Variants in IGLL5 observed in about 807,000 individuals in gnomAD.
The protein encoded by IGLL5 is immunoglobulin lambda like polypeptide 5.
A neutral mutation model predicts 20.9 loss-of-function variants in IGLL5; 30 were observed. The ratio of observed to expected loss-of-function variants is 1.44; its 90% CI spans 1.07 to 1.95. The LOEUF (loss-of-function observed/expected upper bound fraction) is 1.95. Among genes scored for constraint, IGLL5 ranks in the 30% most tolerant of loss-of-function variants. The pLI is 0.00. For missense variants in IGLL5, 475 were observed against 270.7 expected (o/e 1.75, Z -5.30); for synonymous variants, 203 against 117.3 (o/e 1.73, Z -4.72).
Position 22,889,593 on chromosome 22 carries a change from T to G in IGLL5, c.206+1334T>G. On this transcript the variant is annotated intron_variant, in intron 1 of 2. Coordinates refer to ENST00000526893, the MANE Select transcript of IGLL5 (RefSeq NM_001178126.2). ...AACACAATTGTATTTGGGGGACTGT[T>G]GTTGTTTTTGTTTTGAAACAGTCTT... is the stretch of plus-strand genomic sequence containing the variant. Among the ~76,000 whole-genome samples, 3 of 151,224 alleles carry G rather than the reference T, an allele frequency of 2.0e-5. 1 individual carries two copies. Among genetic ancestry groups the G allele is most frequent in the East Asian group, 4.1e-4 (2 of 4,920 alleles).
intron 2 of IGLL5, 66 bp from the exon 3 acceptor site, chr22:22,895,309 G>C (rs2066739154): frequency 6.9e-7 from 1 of 1,453,084 alleles, no homozygotes; most frequent in Admixed American, 1.8e-5. Context: ...TTTAGACAGA[G>C]AGAGGGGCTC....
rs141768336 is a variant in IGLL5, at chr22:22,892,310, G to T, written c.207-1390G>T. Among the ~76,000 whole-genome samples the T allele has an allele frequency of 2.4e-4, 37 of 151,312 alleles. 1 individual carries two copies. The highest frequency in any genetic ancestry group is 5.2e-4 in the Non-Finnish European group (35 of 67,872). On this transcript the variant is annotated intron_variant, in intron 1 of 2. Coordinates refer to ENST00000526893, the MANE Select transcript of IGLL5 (RefSeq NM_001178126.2). Reference sequence around the variant, plus strand: ...ACAAATGTATTAAATACAAGCTGCTGCTAAGATGAAAGTTGCTGGCCCCAT... The same window carrying T: ...ACAAATGTATTAAATACAAGCTGCTTCTAAGATGAAAGTTGCTGGCCCCAT...
intron 1 of IGLL5, among the ~76,000 whole-genome samples, chr22:22,888,857 G>C (rs2067656914): frequency 2.6e-5 from 4 of 151,338 alleles, no homozygotes; most frequent in Admixed American, 2.0e-4. Context: ...GAGCAATAAA[G>C]GGAGAGGGGA....
In IGLL5 at chr22:22,888,067, C is replaced by G. The variant is rs770923784; in HGVS notation, c.14C>G (p.Thr5Arg). The change falls in exon 1 of 3, where the codon ACA (threonine) becomes AGA (arginine). Residue 5 changes from threonine to arginine, a missense_variant. Transcript: ENST00000526893. MRPK[T>R]GQVGCETPEE... ...ACCTGAAGGCCAATGAGACCCAAGACAGGCCAAGTGGGTTGTGAGACCCCT... is the reference window on the plus strand; with the variant it reads ...ACCTGAAGGCCAATGAGACCCAAGAGAGGCCAAGTGGGTTGTGAGACCCCT... 6.4e-5 allele frequency: 99 copies of G among 1,549,132 alleles called. No homozygotes were observed. Among genetic ancestry groups the G allele is most frequent in the Non-Finnish European group, 8.5e-5 (97 of 1,146,520 alleles).
intron 1 of IGLL5, among the ~76,000 whole-genome samples, chr22:22,889,277 T>A (rs557784234): frequency 6.6e-6 from 1 of 150,678 alleles, no homozygotes; most frequent in Admixed American, 6.7e-5. Context: ...TCCTATGAAA[T>A]GGGAGCATGA....
At chr22:22,894,057 T>A (rs2067974505) in intron 2 of IGLL5, among the ~76,000 whole-genome samples, 1 of 151,278 alleles carries the variant, frequency 6.6e-6, no homozygotes, top group Admixed American at 6.6e-5. Context: ...TTGGGCAGGG[T>A]CAGGGCTCCT....
chr22:22,895,989 C>G lies in IGLL5; in HGVS notation c.*295C>G. ...CATCTCCCCAGAGGGTCCTTCCTCT[C>G]CCAGTCACCCCTTCTCCAACTCTCC... On this transcript the variant is annotated 3_prime_UTR_variant, in exon 3 of 3. Transcript: ENST00000526893. 1.8e-6 allele frequency: 1 copy of G among 547,786 alleles called. No homozygotes were observed. The highest frequency in any genetic ancestry group is 3.3e-6 in the Non-Finnish European group (1 of 306,284). The allele number at this position is 547,786 out of a possible 1,614,324, so 33.9% of individuals were successfully genotyped here. A position where few individuals can be genotyped will look rare whatever the true frequency, so the allele number is the denominator to read the frequency against.
chr22:22,888,740 A>G lies in IGLL5; in HGVS notation c.206+481A>G, dbSNP rs192879700. ...TCTCCCCCAAGGCTGTCTGTTCACCAACTTGCACATAAATGCTTACTGGGG... is the reference window on the plus strand; with the variant it reads ...TCTCCCCCAAGGCTGTCTGTTCACCGACTTGCACATAAATGCTTACTGGGG... On this transcript the variant is annotated intron_variant, in intron 1 of 2. Transcript: ENST00000526893. 5.9e-3 allele frequency among the ~76,000 whole-genome samples: 900 copies of G among 151,342 alleles called. 28 individuals are homozygous for G. The South Asian group carries it at 0.077, about 13-fold the overall frequency.
At chr22:22,888,289 G>T (rs2145977141) in intron 1 of IGLL5, 30 bp downstream of exon 1, 1 of 1,541,380 alleles carries the variant, frequency 6.5e-7, no homozygotes, top group East Asian at 2.5e-5. Flanking sequence ...AGGGGATGTG[G>T]GGGTCCTGCA....
At chr22:22,893,852 A>AGTCTCTTCTGC in intron 2 of IGLL5, 34 bp downstream of exon 2, 1 of 1,382,376 alleles carries the variant, frequency 7.2e-7, no homozygotes, top group South Asian at 1.2e-5. Context: ...AGCCTGTCTC[A>AGTCTCTTCTGC]CCCTCTGCTG....
At position 22,895,978 on chromosome 22, in the gene IGLL5, G is replaced by A; in HGVS notation, c.*284G>A. ...CCTCCCTGAGTCATCTCCCCAGAGG[G>A]TCCTTCCTCTCCCAGTCACCCCTTC... On this transcript the variant is annotated 3_prime_UTR_variant, in exon 3 of 3. Coordinates refer to ENST00000526893, the MANE Select transcript of IGLL5 (RefSeq NM_001178126.2). The A allele has an allele frequency of 1.8e-6, 1 of 561,296 alleles. No individual in the cohort carries two copies. 34.8% of individuals were successfully genotyped at this position (561,296 alleles called of 1,614,324 possible).
chr22:22,894,562 C>A (rs1601627275), intron 2 of IGLL5, among the ~76,000 whole-genome samples: 1 of 151,520 alleles, frequency 6.6e-6, no homozygotes, highest in East Asian at 2.0e-4. Flanking sequence ...CGGCCTCCTG[C>A]CTTCCTCAAA....
chr22:22,894,650 T>G (rs186223965), intron 2 of IGLL5, among the ~76,000 whole-genome samples: 1 of 148,550 alleles, frequency 6.7e-6, no homozygotes, highest in East Asian at 2.2e-4. Flanking sequence ...CAGGTGAAGT[T>G]TGGGGTCATC....
rs2066759212 is a variant in IGLL5, at chr22:22,896,011, C to G, written c.*317C>G. ...TCTCCCAGTCACCCCTTCTCCAACT[C>G]TCCACTGTACCCCTGAGCTACCAGT... On this transcript the variant is annotated 3_prime_UTR_variant, in exon 3 of 3. Coordinates refer to ENST00000526893, the MANE Select transcript of IGLL5 (RefSeq NM_001178126.2). 1 of 521,806 alleles carries G rather than the reference C, an allele frequency of 1.9e-6. No individual in the cohort carries two copies. The highest frequency in any genetic ancestry group is 3.4e-6 in the Non-Finnish European group (1 of 289,860). 32.3% of individuals were successfully genotyped at this position (521,806 alleles called of 1,614,324 possible).
At chr22:22,889,606 T>G (rs183566307) in intron 1 of IGLL5, among the ~76,000 whole-genome samples, 2 of 151,338 alleles carry the variant, frequency 1.3e-5, no homozygotes, top group African/African-American at 4.8e-5. Context: ...TGTTTTTGTT[T>G]TGAAACAGTC....
rs529746845 is a variant in IGLL5, at chr22:22,888,061, C to G, written c.8C>G (p.Pro3Arg). Residue 3 changes from proline (P) to arginine (R), a missense_variant, in exon 1 of 3, where the codon CCC (proline) becomes CGC (arginine). By Grantham distance (103) the Pro-to-Arg change is moderately radical. Coordinates refer to ENST00000526893, the MANE Select transcript of IGLL5 (RefSeq NM_001178126.2). Reference protein sequence around the residue: MRPKTGQVGCETP... With the variant: MRRKTGQVGCETP... ...CCCTGAACCTGAAGGCCAATGAGACCCAAGACAGGCCAAGTGGGTTGTGAG... is the reference window on the plus strand; with the variant it reads ...CCCTGAACCTGAAGGCCAATGAGACGCAAGACAGGCCAAGTGGGTTGTGAG... 7 of 1,549,148 alleles carry G rather than the reference C, an allele frequency of 4.5e-6. 1 individual carries two copies. The highest frequency in any genetic ancestry group is 2.7e-5 in the African/African-American group (2 of 72,904).
intron 1 of IGLL5, among the ~76,000 whole-genome samples, chr22:22,888,607 A>T (rs752934628): frequency 6.6e-6 from 1 of 151,286 alleles, no homozygotes; most frequent in African/African-American, 2.4e-5. Flanking sequence ...CACTGTCCCC[A>T]CAGGGTGCCC....
At chr22:22,888,463 T>C (rs2067601188) in intron 1 of IGLL5, among the ~76,000 whole-genome samples, 9 of 151,388 alleles carry the variant, frequency 5.9e-5, no homozygotes, top group Middle Eastern at 3.7e-3. Context: ...ATTACGATAT[T>C]ATTTTTCTTG....
chr22:22,893,844 CCTGTCT>C, intron 2 of IGLL5, 26 bp downstream of exon 2: 1 of 1,408,888 alleles, frequency 7.1e-7, no homozygotes, highest in Non-Finnish European at 1.0e-6. Flanking sequence ...CCTTTCCCAG[CCTGTCT>C]CACCCTCTGC....
Sources: allele counts gnomAD v4.1 joint callset (sites outside exome capture counted in the v4.1 genomes callset), GRCh38; gene constraint gnomAD v4.1.1; transcripts MANE v1.5; gene names NCBI Gene and HGNC (gene_info 2026-07-23, HGNC 2026-07-21).